The following AFF2 variants were observed in gnomAD, a reference collection of about 807,000 sequenced individuals.
AFF2 encodes AF4/FMR2 family member 2.
In AFF2, 14 loss-of-function variants were observed where a neutral mutation model predicts 76.9. The ratio of observed to expected loss-of-function variants is 0.18; its 90% confidence interval spans 0.12 to 0.28. The LOEUF is 0.28. AFF2 is among the 10% of genes least tolerant of loss of function. The pLI, the probability that AFF2 is intolerant of heterozygous loss-of-function variation, is 1.00. For missense variants in AFF2, 868 were observed against 1,001.1 expected (o/e 0.87, Z 1.79); for synonymous variants, 398 against 366.7 (o/e 1.09, Z -0.98).
At chrX:148,882,454 G>A (rs1443890416) in intron 7 of AFF2, among the ~76,000 whole-genome samples, 2 of 111,908 alleles carry the variant, frequency 1.8e-5, no homozygotes, top group African/African-American at 6.5e-5. Flanking sequence ...GAACATTGTG[G>A]ATGACTAGAC....
At chrX:148,950,921 A>C (rs782773822) in intron 9 of AFF2, among the ~76,000 whole-genome samples, 2 of 111,757 alleles carry the variant, frequency 1.8e-5, no homozygotes, top group Non-Finnish European at 3.8e-5. Context: ...ATTTGATGAT[A>C]AAACCTGACC....
intron 9 of AFF2, among the ~76,000 whole-genome samples, chrX:148,905,312 C>T (rs929280754): frequency 4.5e-5 from 5 of 112,260 alleles, no homozygotes; most frequent in Non-Finnish European, 7.5e-5. Flanking sequence ...CTATCAGGCT[C>T]TGTAACATCT....
Position 148,953,583 on chromosome X carries a change from A to T in AFF2, c.1401A>T (p.Pro467=), listed in dbSNP as rs1557286855. The change falls in exon 10 of 21, where the codon CCA becomes CCT. Residue 467 remains proline (P), a synonymous_variant. Transcript: ENST00000370460. Reference sequence around the variant, plus strand: ...AATTATGTTGTTTTTCTTTCAGCCCACCCTTGGCCACTCCCCAGCCCCCAC... The same window carrying T: ...AATTATGTTGTTTTTCTTTCAGCCCTCCCTTGGCCACTCCCCAGCCCCCAC... ...KAKPRNNPVN[P]PLATPQPPPA... The T allele has an allele frequency of 8.3e-7, 1 of 1,200,553 alleles. No individual in the cohort carries two copies. Among genetic ancestry groups the T allele is most frequent in the Admixed American group, 2.3e-5 (1 of 43,524 alleles).
intron 3 of AFF2, among the ~76,000 whole-genome samples, chrX:148,697,394 T>A (rs2054733265): frequency 8.9e-6 from 1 of 112,194 alleles, no homozygotes; most frequent in Non-Finnish European, 1.9e-5. Flanking sequence ...AACTGGAGAG[T>A]ATCACCATTG....
chrX:148,999,961 T>C lies in AFF2; in HGVS notation c.*8629T>C, dbSNP rs73640620. 9.0e-6 allele frequency: 1 copy of C among 111,433 alleles called. No individual in the cohort carries two copies. The highest frequency in any genetic ancestry group is 1.9e-5 in the Non-Finnish European group (1 of 53,145). The allele number at this position is 111,433 out of a possible 1,213,427, so 9.2% of individuals were successfully genotyped here. A position where few individuals can be genotyped will look rare whatever the true frequency, so the allele number is the denominator to read the frequency against. On this transcript the variant is annotated 3_prime_UTR_variant, in exon 21 of 21. Coordinates refer to ENST00000370460, the MANE Select transcript of AFF2 (RefSeq NM_002025.4). The stretch of plus-strand genomic sequence containing the variant: ...CTGAGTTGAGCCCTCAGTGTTGAAG[T>C]TGACTTGCTCCAAGCTGCAGTCTAA...
chrX:148,786,139 G>A (rs1485383499), intron 3 of AFF2, among the ~76,000 whole-genome samples: 2 of 111,748 alleles, frequency 1.8e-5, no homozygotes, highest in Non-Finnish European at 3.8e-5. Flanking sequence ...TGTTATTGCT[G>A]TAATTATTTC....
At chrX:148,772,322 C>G (rs539235454) in intron 3 of AFF2, among the ~76,000 whole-genome samples, 1 of 111,735 alleles carries the variant, frequency 8.9e-6, no homozygotes, top group Non-Finnish European at 1.9e-5. Context: ...GATTTCTCAT[C>G]CTTTATGCAT....
chrX:148,922,127 C>A (rs1331515131), intron 9 of AFF2, among the ~76,000 whole-genome samples: 2 of 111,752 alleles, frequency 1.8e-5, no homozygotes, highest in Admixed American at 1.9e-4. Flanking sequence ...AAATCTTGGA[C>A]AACTGATAAT....
intron 3 of AFF2, among the ~76,000 whole-genome samples, chrX:148,732,296 C>T (rs241096): frequency 4.1e-5 from 4 of 97,892 alleles, no homozygotes; most frequent in African/African-American, 1.6e-4. Context: ...AAATTGGAAA[C>T]CATCATTCTC....
chrX:148,524,119 CTCTCTGTGTG>C (rs1297946521), intron 1 of AFF2, among the ~76,000 whole-genome samples: 3 of 78,852 alleles, frequency 3.8e-5, no homozygotes, highest in African/African-American at 1.5e-4. Context: ...CTCTCTCTCT[CTCTCTGTGTG>C]TGTGTGTGTG....
At chrX:148,854,126 C>T (rs1356401170) in intron 7 of AFF2, among the ~76,000 whole-genome samples, 1 of 111,302 alleles carries the variant, frequency 9.0e-6, no homozygotes, top group African/African-American at 3.3e-5. Flanking sequence ...CTATGGTAAC[C>T]GTACCTTGAA....
intron 1 of AFF2, among the ~76,000 whole-genome samples, chrX:148,537,214 T>C (rs1179007158): frequency 1.8e-5 from 2 of 112,139 alleles, no homozygotes; most frequent in Non-Finnish European, 1.9e-5. Context: ...CCCAGGAGCA[T>C]ACAAGAGGTT....
intron 3 of AFF2, among the ~76,000 whole-genome samples, chrX:148,756,002 C>T (rs1795733895): frequency 8.9e-6 from 1 of 111,824 alleles, no homozygotes; most frequent in South Asian, 3.7e-4. Context: ...AGAGGCTGGG[C>T]CCACATCATT....
chrX:148,906,036 G>A (rs2071404024), intron 9 of AFF2, among the ~76,000 whole-genome samples: 1 of 111,720 alleles, frequency 9.0e-6, no homozygotes, highest in African/African-American at 3.3e-5. Flanking sequence ...ATAACCAACT[G>A]GTAGGTGTTT....
chrX:148,742,858 G>A, intron 3 of AFF2, among the ~76,000 whole-genome samples: 1 of 112,032 alleles, frequency 8.9e-6, no homozygotes, highest in East Asian at 2.8e-4. Flanking sequence ...AGGTCTGTAT[G>A]TGCTTTCCAA....
At chrX:148,915,481 G>T (rs1428471151) in intron 9 of AFF2, among the ~76,000 whole-genome samples, 1 of 112,313 alleles carries the variant, frequency 8.9e-6, no homozygotes, top group Middle Eastern at 4.6e-3. Flanking sequence ...CAACAAGTGG[G>T]TCCCACGTAC....
At chrX:148,643,053 A>C (rs537210360) in intron 1 of AFF2, among the ~76,000 whole-genome samples, 1 of 111,977 alleles carries the variant, frequency 8.9e-6, no homozygotes, top group South Asian at 3.7e-4. Flanking sequence ...AACTTTGATT[A>C]ATTTAGATAG....
intron 1 of AFF2, among the ~76,000 whole-genome samples, chrX:148,585,537 G>A (rs983374292): frequency 1.8e-5 from 2 of 111,636 alleles, no homozygotes. Context: ...AGCATAAGAT[G>A]TAATTTAAGA....
At chrX:148,597,831 T>C (rs1393997222) in intron 1 of AFF2, among the ~76,000 whole-genome samples, 1 of 112,416 alleles carries the variant, frequency 8.9e-6, no homozygotes, top group Non-Finnish European at 1.9e-5. Flanking sequence ...CGGCGCCTTA[T>C]TGCTAATCGC....
Sources: gnomAD v4.1 joint callset for allele counts (sites outside exome capture counted in the v4.1 genomes callset) on GRCh38, gnomAD v4.1.1 for gene constraint, MANE v1.5 for transcripts, NCBI Gene and HGNC (gene_info 2026-07-23, HGNC 2026-07-21) for gene names.